Variants in SV2C observed in about 807,000 individuals in gnomAD.
SV2C encodes the protein synaptic vesicle glycoprotein 2C.
In SV2C, 49 loss-of-function variants were observed where a neutral mutation model predicts 79.7. The ratio of observed to expected loss-of-function variants is 0.61; its 90% CI spans 0.49 to 0.78. The LOEUF (loss-of-function observed/expected upper bound fraction) is 0.78. Among genes scored for constraint, SV2C ranks in the 30% least tolerant of loss-of-function variants. The pLI is 0.00. For missense variants in SV2C, 833 were observed against 912.9 expected (o/e 0.91, Z 1.13); for synonymous variants, 334 against 333.2 (o/e 1.00, Z -0.03).
At chr5:76,219,739 G>A (rs1216138798) in intron 4 of SV2C, among the ~76,000 whole-genome samples, 2 of 152,194 alleles carry the variant, frequency 1.3e-5, no homozygotes, top group African/African-American at 4.8e-5. Context: ...GTTCTGGCCA[G>A]ATCTGGGAAA....
intron 2 of SV2C, among the ~76,000 whole-genome samples, chr5:76,170,624 T>C (rs1455380281): frequency 8.2e-5 from 12 of 145,786 alleles, no homozygotes; most frequent in Non-Finnish European, 9.2e-5. Flanking sequence ...AGGAAACATA[T>C]AATAAGAGAT....
At chr5:76,164,639 T>G (rs1377114017) in intron 2 of SV2C, among the ~76,000 whole-genome samples, 2 of 152,152 alleles carry the variant, frequency 1.3e-5, no homozygotes, top group African/African-American at 4.8e-5. Context: ...ATATAATGCT[T>G]TCATTAAGAA....
At chr5:75,868,985 A>ATGTGGTG in the SV2C span, among the ~76,000 whole-genome samples, 1 of 152,114 alleles carries the variant, frequency 6.6e-6, no homozygotes, top group Non-Finnish European at 1.5e-5. Flanking sequence ...ACATTCCCAA[A>ATGTGGTG]TGTGGTGTGT....
the SV2C span, among the ~76,000 whole-genome samples, chr5:76,034,092 T>C: frequency 8.5e-5 from 13 of 152,178 alleles, no homozygotes; most frequent in African/African-American, 3.1e-4. Flanking sequence ...TTTTGTACAT[T>C]GATTTTGTAT....
chr5:75,975,868 A>C, the SV2C span, among the ~76,000 whole-genome samples: 1 of 152,182 alleles, frequency 6.6e-6, no homozygotes, highest in Admixed American at 6.5e-5. Flanking sequence ...ACAGCTCTAC[A>C]TAAAACTGTC....
the SV2C span, among the ~76,000 whole-genome samples, chr5:75,930,898 C>T: frequency 6.6e-6 from 1 of 152,226 alleles, no homozygotes; most frequent in South Asian, 2.1e-4. Context: ...CTTTGGGAGG[C>T]TGAAGTGGGT....
chr5:75,876,712 A>G, the SV2C span, among the ~76,000 whole-genome samples: 2 of 152,132 alleles, frequency 1.3e-5, no homozygotes, highest in East Asian at 3.8e-4. Flanking sequence ...ATGTAGGAGT[A>G]ATGTGTCTAT....
chr5:75,999,248 A>G, the SV2C span, among the ~76,000 whole-genome samples: 1 of 152,048 alleles, frequency 6.6e-6, no homozygotes, highest in South Asian at 2.1e-4. Context: ...GCCAAACCAT[A>G]TCAATTTGTA....
intron 4 of SV2C, among the ~76,000 whole-genome samples, chr5:76,277,364 T>C (rs1247331752): frequency 6.6e-6 from 1 of 152,120 alleles, no homozygotes; most frequent in Non-Finnish European, 1.5e-5. Flanking sequence ...AACTGGTGAG[T>C]GGATAAACTA....
At chr5:75,894,015 C>T in the SV2C span, among the ~76,000 whole-genome samples, 638 of 152,098 alleles carry the variant, frequency 4.2e-3, 2 homozygotes, top group Non-Finnish European at 7.0e-3. Flanking sequence ...TTTTGTTCCA[C>T]AGTAAAATAT....
At chr5:75,882,724 C>T in the SV2C span, among the ~76,000 whole-genome samples, 1 of 151,946 alleles carries the variant, frequency 6.6e-6, no homozygotes, top group Non-Finnish European at 1.5e-5. Context: ...TGGATCCCTT[C>T]CTTACACCTT....
chr5:76,344,000 A>C (rs1323452291), intron 12 of SV2C, among the ~76,000 whole-genome samples: 2 of 147,048 alleles, frequency 1.4e-5, no homozygotes, highest in Non-Finnish European at 1.5e-5. Flanking sequence ...TAGCCTGGGC[A>C]ACAAAGCAAG....
At chr5:75,999,710 A>G in the SV2C span, among the ~76,000 whole-genome samples, 10 of 151,454 alleles carry the variant, frequency 6.6e-5, no homozygotes, top group African/African-American at 2.4e-4. Flanking sequence ...TAAAAAAAAT[A>G]CCACAGGCTG....
At chr5:75,964,997 G>A in the SV2C span, among the ~76,000 whole-genome samples, 1 of 152,120 alleles carries the variant, frequency 6.6e-6, no homozygotes, top group Non-Finnish European at 1.5e-5. Flanking sequence ...TTTACTGGTA[G>A]AGCCCAATAT....
chr5:75,956,364 G>A, the SV2C span, among the ~76,000 whole-genome samples: 388 of 140,528 alleles, frequency 2.8e-3, 2 homozygotes, highest in African/African-American at 0.01. Context: ...CATGGACACA[G>A]GAGGGGAAAC....
At chr5:76,127,006 C>G (rs1421858070) in intron 1 of SV2C, among the ~76,000 whole-genome samples, 1 of 152,126 alleles carries the variant, frequency 6.6e-6, no homozygotes, top group Admixed American at 6.5e-5. Flanking sequence ...ACGGATTAGC[C>G]ATTATTATTG....
At chr5:76,121,742 A>G (rs573426098) in intron 1 of SV2C, among the ~76,000 whole-genome samples, 11 of 152,018 alleles carry the variant, frequency 7.2e-5, no homozygotes, top group Admixed American at 2.0e-4. Flanking sequence ...CTGTTTTGGT[A>G]CCAGTACCAT....
At chr5:75,954,680 A>G in the SV2C span, among the ~76,000 whole-genome samples, 4 of 150,476 alleles carry the variant, frequency 2.7e-5, no homozygotes, top group Non-Finnish European at 4.4e-5. Context: ...TAAGCTGATA[A>G]GCAACTTCAG....
the SV2C span, among the ~76,000 whole-genome samples, chr5:76,020,008 A>G: frequency 7.9e-5 from 12 of 152,300 alleles, no homozygotes; most frequent in South Asian, 1.7e-3. Context: ...CCAAAACTTA[A>G]TGACGTAAAA....
Sources: gnomAD v4.1 joint callset for allele counts (sites outside exome capture counted in the v4.1 genomes callset) on GRCh38, gnomAD v4.1.1 for gene constraint, MANE v1.5 for transcripts, NCBI Gene and HGNC (gene_info 2026-07-23, HGNC 2026-07-21) for gene names.